Variants in CD63 observed in about 807,000 individuals in gnomAD.
CD63 encodes the protein CD63 molecule.
Under a neutral mutation model 29.2 loss-of-function variants are expected in CD63, and 16 were observed. That is an observed-to-expected ratio of 0.55 (90% CI 0.37 to 0.83). The LOEUF (loss-of-function observed/expected upper bound fraction) is 0.83, where lower values mean the gene tolerates loss of function less well. Ranked by LOEUF, CD63 falls within the 40% of genes least tolerant of loss-of-function variation. The pLI is 0.00. For synonymous variants in CD63, 118 were observed against 111.7 expected, an observed-to-expected ratio of 1.06 and a Z score of -0.36; for missense variants, 251 against 297.3, an observed-to-expected ratio of 0.84 and a Z score of 1.15.
rs1342783722 is a variant in CD63, at chr12:55,728,197, T to C, written c.66+79A>G. ...TGGTCTCCAGCTGCCTTAATTCTCA[T>C]TCCCTCAGCCCTCACCACTGTGGAG... On this transcript the variant is annotated intron_variant, in intron 2 of 7. Coordinates refer to ENST00000257857, the MANE Select transcript of CD63 (RefSeq NM_001780.6). This position sits in a 1 kb window ranked among gnomAD's most constrained non-coding sequence, Gnocchi z 4.8. The C allele has an allele frequency of 4.7e-6, 6 of 1,281,454 alleles. No homozygotes were observed. Among genetic ancestry groups the C allele is most frequent in the Non-Finnish European group, 6.7e-6 (6 of 899,440 alleles). 79.4% of individuals were successfully genotyped at this position (1,281,454 alleles called of 1,614,324 possible).
chr12:55,724,923 A>C (rs1451520236), downstream of CD63, among the ~76,000 whole-genome samples: 1 of 152,074 alleles, frequency 6.6e-6, no homozygotes, highest in African/African-American at 2.4e-5. Flanking sequence ...CTGTACTGGG[A>C]ATGGTCTTCA....
chr12:55,724,042 C>T (rs1031778240), downstream of CD63: 1 of 1,610,028 alleles, frequency 6.2e-7, no homozygotes, highest in Non-Finnish European at 8.5e-7. Context: ...GGGCCTTCCT[C>T]ACCAAGTGTG....
At chr12:55,727,541 C>G (rs1213636651) in intron 2 of CD63, 1 of 1,280,114 alleles carries the variant, frequency 7.8e-7, no homozygotes, top group East Asian at 2.9e-5. Flanking sequence ...CCTCCCGGCT[C>G]TTTAATCAGG....
At chr12:55,723,918 C>T (rs763063270), downstream of CD63, 4 of 1,614,126 alleles carry the variant, frequency 2.5e-6, no homozygotes, top group South Asian at 4.4e-5. Flanking sequence ...ATACGAGTCT[C>T]CATCGTGGAG....
chr12:55,724,737 A>G (rs932715834), downstream of CD63: 13 of 655,172 alleles, frequency 2.0e-5, no homozygotes, highest in Non-Finnish European at 2.7e-5. Flanking sequence ...AACTACTCCA[A>G]ACCGACATGC....
At chr12:55,724,209 C>G, downstream of CD63, 5 of 1,453,700 alleles carry the variant, frequency 3.4e-6, no homozygotes, top group East Asian at 2.4e-5. Context: ...CCTGCCCACT[C>G]CCCACACTGA....
In CD63 at chr12:55,728,984, C is replaced by T. The variant is rs1592535103; in HGVS notation, c.-43G>A. ...TTCCCAAGGCTGGCTGCGCGTTCCT[C>T]TCCCGCCGCGGCTCCGGGGCTCTCT... is the stretch of plus-strand genomic sequence containing the variant. On this transcript the variant is annotated 5_prime_UTR_variant, in exon 1 of 8. Transcript: ENST00000257857. The surrounding 1 kb of genome is among the most constrained non-coding windows in gnomAD (Gnocchi z 4.8). The T allele has an allele frequency of 1.0e-6, 1 of 985,536 alleles. No homozygotes were observed. The highest frequency in any genetic ancestry group is 1.2e-6 in the Non-Finnish European group (1 of 830,086). The allele number at this position is 985,536 out of a possible 1,614,324, so 61.0% of individuals were successfully genotyped here. A position where few individuals can be genotyped will look rare whatever the true frequency, so the allele number is the denominator to read the frequency against.
In CD63 at chr12:55,728,377, G is replaced by A. The variant is rs199930434; in HGVS notation, c.-11-25C>T. On this transcript the variant is annotated intron_variant, in intron 1 of 7. Coordinates refer to ENST00000257857, the MANE Select transcript of CD63 (RefSeq NM_001780.6). The surrounding 1 kb of genome is among the most constrained non-coding windows in gnomAD (Gnocchi z 4.8). ...CCTGGGGCAGAGGGGAGGGCGGGGGGATTAAAACTGGCCGAAGGGGGACCT... is the reference window on the plus strand; with the variant it reads ...CCTGGGGCAGAGGGGAGGGCGGGGGAATTAAAACTGGCCGAAGGGGGACCT... 9,395 of 1,594,912 alleles carry A rather than the reference G, an allele frequency of 5.9e-3. 40 individuals carry two copies. Among genetic ancestry groups the A allele is most frequent in the South Asian group, 0.011 (926 of 87,958 alleles).
In CD63 at chr12:55,725,835, G is replaced by A; in HGVS notation, c.629C>T (p.Ala210Val). 1 of 1,613,984 alleles carries A rather than the reference G, an allele frequency of 6.2e-7. No homozygotes were observed. Among genetic ancestry groups the A allele is most frequent in the East Asian group, 2.2e-5 (1 of 44,880 alleles). ...TACCTCGACAAAAGCAATTCCAAGG[G>A]CTGCTGCAGCTACCACCAGCACATT... The part of the protein sequence containing the change: ...RKNVLVVAAA[A>V]LGIAFVEVLG... Residue 210 changes from alanine (A) to valine (V), a missense_variant, in exon 7 of 8, where the codon GCC (alanine) becomes GTC (valine). Physicochemically the swap from Ala to Val is moderately conservative, Grantham distance 64. Transcript: ENST00000257857.
At chr12:55,727,649 G>C in intron 2 of CD63, 1 of 1,123,734 alleles carries the variant, frequency 8.9e-7, no homozygotes, top group East Asian at 5.5e-5. Context: ...AGGGCTCCCA[G>C]CTCAATTCTC....
Position 55,725,331 on chromosome 12 carries a change from C to T in CD63, c.*230G>A. On this transcript the variant is annotated 3_prime_UTR_variant, in exon 8 of 8. Transcript: ENST00000257857. ...CTCCCACTGCCTGCCCAACCAACAC[C>T]TTCGCAAAGTCCTCCTTTCCCAAAC... 1.8e-6 allele frequency: 1 copy of T among 571,272 alleles called. No homozygotes were observed. Among genetic ancestry groups the T allele is most frequent in the Middle Eastern group, 4.6e-4 (1 of 2,160 alleles). 35.4% of individuals were successfully genotyped at this position (571,272 alleles called of 1,614,324 possible). A position where few individuals can be genotyped will look rare whatever the true frequency, so the allele number is the denominator to read the frequency against.
Position 55,728,351 on chromosome 12 carries a change from G to A in CD63, c.-10C>T, listed in dbSNP as rs1485606290. The stretch of plus-strand genomic sequence containing the variant: ...CTCCTTCCACCGCCATGGCTGCCGG[G>A]CCTGGGGCAGAGGGGAGGGCGGGGG... On this transcript the variant is annotated splice_region_variant and 5_prime_UTR_variant, in exon 2 of 8. Transcript: ENST00000257857. This position sits in a 1 kb window ranked among gnomAD's most constrained non-coding sequence, Gnocchi z 4.8. 3.1e-6 allele frequency: 5 copies of A among 1,608,970 alleles called. No homozygotes were observed. In the African/African-American group the frequency reaches 6.7e-5, roughly 21 times the overall value.
At position 55,727,151 on chromosome 12, in the gene CD63, C is replaced by T; in HGVS notation, c.255G>A (p.Thr85=). The T allele has an allele frequency of 6.2e-7, 1 of 1,612,334 alleles. No homozygotes were observed. The highest frequency in any genetic ancestry group is 8.5e-7 in the Non-Finnish European group (1 of 1,179,040). ...CATGTTGGTCCCGCCCCCAACTCAC[C>T]GTGATCATAAGACAATAGTTCTCCT... The part of the protein sequence containing the change: ...ACKENYCLMI[T]FAIFLSLIML... The change falls in exon 3 of 8, where the codon ACG becomes ACA. Residue 85 remains threonine (T), a splice_region_variant and synonymous_variant. Coordinates refer to ENST00000257857, the MANE Select transcript of CD63 (RefSeq NM_001780.6).
At chr12:55,723,754 G>A, downstream of CD63, 1 of 1,014,606 alleles carries the variant, frequency 9.9e-7, no homozygotes, top group East Asian at 2.5e-5. Flanking sequence ...CCTTGTCCCG[G>A]GGCAGTAGGC....
At position 55,728,933 on chromosome 12, in the gene CD63, C is replaced by G; in HGVS notation, c.-12+20G>C. On this transcript the variant is annotated intron_variant, in intron 1 of 7. Transcript: ENST00000257857. This position sits in a 1 kb window ranked among gnomAD's most constrained non-coding sequence, Gnocchi z 4.8. ...CTCTCCCAGCCCGCGCCGAAGTCCG[C>G]CGGGTCCCCGCGGCCTCACCTGGGC... 1.0e-6 allele frequency: 1 copy of G among 985,602 alleles called. No individual in the cohort carries two copies. The highest frequency in any genetic ancestry group is 1.2e-6 in the Non-Finnish European group (1 of 830,022). The allele number at this position is 985,602 out of a possible 1,614,324, so 61.1% of individuals were successfully genotyped here.
In CD63 at chr12:55,726,930, T is replaced by G. The variant is rs1473390070; in HGVS notation, c.290A>C (p.Glu97Ala). 6.2e-7 allele frequency: 1 copy of G among 1,613,864 alleles called. No individual in the cohort carries two copies. Among genetic ancestry groups the G allele is most frequent in the Non-Finnish European group, 8.5e-7 (1 of 1,179,976 alleles). ...ATAGCCAGCAATGGCTGCGGCCACC[T>G]CCACCAACATGATAAGAGACAGAAA... ...AIFLSLIMLV[E>A]VAAAIAGYVF... The change falls in exon 4 of 8, where the codon GAG (glutamate) becomes GCG (alanine). Residue 97 changes from glutamate (E) to alanine (A), a missense_variant. By Grantham distance (107) the Glu-to-Ala change is moderately radical. Coordinates refer to ENST00000257857, the MANE Select transcript of CD63 (RefSeq NM_001780.6).
intron 2 of CD63, chr12:55,727,649 G>A: frequency 8.9e-7 from 1 of 1,123,734 alleles, no homozygotes; most frequent in Non-Finnish European, 1.1e-6. Flanking sequence ...AGGGCTCCCA[G>A]CTCAATTCTC....
At position 55,728,381 on chromosome 12, in the gene CD63, A is replaced by C; in HGVS notation, c.-11-29T>G. 3.8e-6 allele frequency: 6 copies of C among 1,591,510 alleles called. No homozygotes were observed. The highest frequency in any genetic ancestry group is 4.3e-6 in the Non-Finnish European group (5 of 1,169,816). On this transcript the variant is annotated intron_variant, in intron 1 of 7. Transcript: ENST00000257857. The surrounding 1 kb of genome is among the most constrained non-coding windows in gnomAD (Gnocchi z 4.8). Reference sequence around the variant, plus strand: ...GGGCAGAGGGGAGGGCGGGGGGATTAAAACTGGCCGAAGGGGGACCTCGGT... The same window carrying C: ...GGGCAGAGGGGAGGGCGGGGGGATTCAAACTGGCCGAAGGGGGACCTCGGT...
Position 55,725,492 on chromosome 12 carries a change from C to A in CD63, c.*69G>T. The A allele has an allele frequency of 2.4e-6, 3 of 1,238,066 alleles. No individual in the cohort carries two copies. The highest frequency in any genetic ancestry group is 1.2e-5 in the South Asian group (1 of 82,964). The allele number at this position is 1,238,066 out of a possible 1,614,324, so 76.7% of individuals were successfully genotyped here. On this transcript the variant is annotated 3_prime_UTR_variant, in exon 8 of 8. Transcript: ENST00000257857. ...CTCTTTTCGGTCTGAAAAAATAATC[C>A]GTTTAATTGAAAAACCTGGAGGATA...
Sources: gnomAD v4.1 joint callset for allele counts (sites outside exome capture counted in the v4.1 genomes callset) on GRCh38, gnomAD v4.1.1 for gene constraint, Gnocchi (gnomAD v3.1) non-coding constraint, MANE v1.5 for transcripts, NCBI Gene and HGNC (gene_info 2026-07-23, HGNC 2026-07-21) for gene names.